The following UBE2W variants were observed in gnomAD, a reference collection of about 807,000 sequenced individuals.
UBE2W encodes ubiquitin conjugating enzyme E2 W, also known as ubiquitin-conjugating enzyme E2 W.
Under a neutral mutation model 27.2 loss-of-function variants are expected in UBE2W, and 18 were observed. The observed-to-expected ratio is 0.66, with a 90% confidence interval of 0.46 to 0.98. UBE2W has a LOEUF of 0.98. Among genes scored for constraint, UBE2W ranks in the 50% least tolerant of loss-of-function variants. The probability of loss-of-function intolerance (pLI) is 0.00; values close to 1 mark genes in which losing one functional copy is unlikely to be tolerated. For missense variants in UBE2W, 90 were observed against 180.2 expected (o/e 0.50, Z 2.87); for synonymous variants, 53 against 57.2 (o/e 0.93, Z 0.33).
chr8:73,795,818 A>G (rs1808386541), intron 5 of UBE2W: 1 of 982,944 alleles, frequency 1.0e-6, no homozygotes. Context: ...AAAGTGGCTC[A>G]CGCCTGTAAT....
At chr8:73,786,064 T>C (rs1034911880), downstream of UBE2W, among the ~76,000 whole-genome samples, 12 of 152,250 alleles carry the variant, frequency 7.9e-5, no homozygotes, top group Admixed American at 4.6e-4. Flanking sequence ...ACAATAATTA[T>C]CTGCTTAATG....
chr8:73,801,477 T>G (rs1199793285), intron 5 of UBE2W, among the ~76,000 whole-genome samples: 2 of 152,204 alleles, frequency 1.3e-5, no homozygotes, highest in Non-Finnish European at 2.9e-5. Context: ...CAAGGTGGTT[T>G]AAAAACACTT....
At position 73,858,197 on chromosome 8, in the gene UBE2W, A is replaced by G. The variant is rs532430576; in HGVS notation, c.15+20611T>C. 1.2e-3 allele frequency among the ~76,000 whole-genome samples: 181 copies of G among 152,078 alleles called. 1 individual carries two copies. Among genetic ancestry groups the G allele is most frequent in the African/African-American group, 4.2e-3 (175 of 41,502 alleles). On this transcript the variant is annotated intron_variant, in intron 1 of 5. Transcript: ENST00000602593. ...CCAACATGGTGAAACCCAGTCTCCA[A>G]TAAAAATACAAAAATTAGTCGGGTG...
At chr8:73,866,029 C>T (rs1423824761) in intron 1 of UBE2W, among the ~76,000 whole-genome samples, 7 of 151,726 alleles carry the variant, frequency 4.6e-5, no homozygotes, top group Non-Finnish European at 1.0e-4. Flanking sequence ...TGTAATCCCA[C>T]CACTTTGGAA....
chr8:73,792,401 C>A lies in UBE2W; in HGVS notation c.*1701G>T, dbSNP rs769936492. ...CAGACATATTTTTGAAGTCTACCCA[C>A]CCCTGAGTTCAGCAATTATACTTTG... On this transcript the variant is annotated 3_prime_UTR_variant, in exon 6 of 6. Transcript: ENST00000602593. The A allele has an allele frequency of 1.0e-6, 1 of 985,218 alleles. No individual in the cohort carries two copies. Among genetic ancestry groups the A allele is most frequent in the South Asian group, 4.7e-5 (1 of 21,262 alleles). The allele number at this position is 985,218 out of a possible 1,614,324, so 61.0% of individuals were successfully genotyped here. A position where few individuals can be genotyped will look rare whatever the true frequency, so the allele number is the denominator to read the frequency against.
chr8:73,792,902 C>G lies in UBE2W; in HGVS notation c.*1200G>C, dbSNP rs1306164434. ...TGGCTGTGTGAGACAAATAAGCAAC[C>G]ATTTGATAGTGACTTTTGCCTAAAT... is the stretch of plus-strand genomic sequence containing the variant. On this transcript the variant is annotated 3_prime_UTR_variant, in exon 6 of 6. Transcript: ENST00000602593. 4 of 985,530 alleles carry G rather than the reference C, an allele frequency of 4.1e-6. No individual in the cohort carries two copies. Among genetic ancestry groups the G allele is most frequent in the Non-Finnish European group, 4.8e-6 (4 of 829,876 alleles). The allele number at this position is 985,530 out of a possible 1,614,324, so 61.0% of individuals were successfully genotyped here.
intron 3 of UBE2W, among the ~76,000 whole-genome samples, chr8:73,822,351 C>T (rs1809650454): frequency 1.3e-5 from 2 of 152,004 alleles, no homozygotes; most frequent in Non-Finnish European, 2.9e-5. Flanking sequence ...TGACCGCTTC[C>T]ACCTTTAAAC....
chr8:73,794,395 TAGTC>T (rs1342432454), intron 5 of UBE2W, among the ~76,000 whole-genome samples: 1 of 152,294 alleles, frequency 6.6e-6, no homozygotes, highest in Non-Finnish European at 1.5e-5. Flanking sequence ...TGTTAGTACA[TAGTC>T]AGGATGTATC....
intron 5 of UBE2W, among the ~76,000 whole-genome samples, 187 bp downstream of exon 5, chr8:73,805,464 A>AC (rs1563577895): frequency 8.0e-6 from 1 of 124,626 alleles, no homozygotes; most frequent in Non-Finnish European, 1.8e-5. Flanking sequence ...CAAAAAAAAA[A>AC]AAAAAAACAA....
chr8:73,844,688 G>A (rs1001185366), intron 1 of UBE2W, among the ~76,000 whole-genome samples: 2 of 151,296 alleles, frequency 1.3e-5, no homozygotes, highest in African/African-American at 4.9e-5. Context: ...CCGTCATCTC[G>A]TCTAGGAAGT....
chr8:73,826,256 CTTG>C (rs1008487309), intron 2 of UBE2W, among the ~76,000 whole-genome samples: 26 of 152,146 alleles, frequency 1.7e-4, no homozygotes, highest in Non-Finnish European at 2.8e-4. Context: ...ATATACTATT[CTTG>C]TTATTTTCTT....
chr8:73,805,472 C>CAAAACAAAAA (rs1554579998), intron 5 of UBE2W, among the ~76,000 whole-genome samples, 179 bp downstream of exon 5: 2 of 43,674 alleles, frequency 4.6e-5, no homozygotes, highest in Non-Finnish European at 9.9e-5. Context: ...AAAAAAAAAA[C>CAAAACAAAAA]AAAAAAAACT....
At chr8:73,823,935 AT>A (rs1240551057) in intron 3 of UBE2W, among the ~76,000 whole-genome samples, 1 of 152,138 alleles carries the variant, frequency 6.6e-6, no homozygotes, top group African/African-American at 2.4e-5. Context: ...ATGAAATATG[AT>A]TTTCCTCCAA....
At chr8:73,795,190 A>G (rs549742689) in intron 5 of UBE2W, among the ~76,000 whole-genome samples, 2 of 151,954 alleles carry the variant, frequency 1.3e-5, no homozygotes, top group South Asian at 2.1e-4. Flanking sequence ...TATGGTTTGG[A>G]TATCTGCCCC....
At chr8:73,800,008 T>C (rs1472812978) in intron 5 of UBE2W, among the ~76,000 whole-genome samples, 1 of 152,224 alleles carries the variant, frequency 6.6e-6, no homozygotes, top group African/African-American at 2.4e-5. Flanking sequence ...TGTTATACTT[T>C]TTACAAGCGT....
downstream of UBE2W, among the ~76,000 whole-genome samples, chr8:73,785,479 A>C (rs1363240224): frequency 6.6e-6 from 1 of 152,166 alleles, no homozygotes; most frequent in East Asian, 1.9e-4. Flanking sequence ...CAGGGGGTAC[A>C]CGTGCAGGTT....
intron 1 of UBE2W, among the ~76,000 whole-genome samples, chr8:73,839,748 A>C (rs1810465171): frequency 1.0e-5 from 1 of 97,414 alleles, no homozygotes; most frequent in South Asian, 3.5e-4. Flanking sequence ...TTTTTTTTTG[A>C]AACAGAATCT....
chr8:73,797,415 C>T (rs1203153089), intron 5 of UBE2W, among the ~76,000 whole-genome samples: 4 of 152,062 alleles, frequency 2.6e-5, no homozygotes, highest in Admixed American at 2.6e-4. Context: ...CTTTAACGAA[C>T]CAATTCAAGA....
chr8:73,863,156 T>C (rs922292159), intron 1 of UBE2W, among the ~76,000 whole-genome samples: 2 of 143,054 alleles, frequency 1.4e-5, no homozygotes, highest in South Asian at 2.1e-4. Flanking sequence ...TTATTCACAA[T>C]AGCAAAGACG....
Sources: allele counts gnomAD v4.1 joint callset (sites outside exome capture counted in the v4.1 genomes callset), GRCh38; gene constraint gnomAD v4.1.1; transcripts MANE v1.5; gene names NCBI Gene and HGNC (gene_info 2026-07-23, HGNC 2026-07-21).